Variants in C12orf50 observed in about 807,000 individuals in gnomAD.
C12orf50 encodes zinc finger CCCH-type containing 11D.
A neutral mutation model predicts 61.6 loss-of-function variants in C12orf50; 35 were observed. That is an observed-to-expected ratio of 0.57 (90% confidence interval 0.43 to 0.75). The LOEUF is 0.75. Ranked by LOEUF, C12orf50 falls within the 30% of genes least tolerant of loss-of-function variation. The probability of loss-of-function intolerance (pLI) is 0.00; values close to 1 mark genes in which losing one functional copy is unlikely to be tolerated. For synonymous variants in C12orf50, 178 were observed against 161.5 expected, an observed-to-expected ratio of 1.10 and a Z score of -0.77; for missense variants, 475 against 488.5, an observed-to-expected ratio of 0.97 and a Z score of 0.26.
intron 2 of C12orf50, 102 bp downstream of exon 2, chr12:88,026,849 G>C: frequency 1.3e-6 from 2 of 1,488,218 alleles, no homozygotes; most frequent in African/African-American, 1.4e-5. Flanking sequence ...TCAAATAGTA[G>C]AAGGAAGAAT....
At chr12:87,998,387 T>C (rs1335527377) in intron 3 of C12orf50, among the ~76,000 whole-genome samples, 197 bp from the exon 4 acceptor site, 2 of 152,036 alleles carry the variant, frequency 1.3e-5, no homozygotes, top group East Asian at 1.9e-4. Context: ...CCACTTACAA[T>C]AGCATCAAAG....
At chr12:87,980,469 C>A in intron 12 of C12orf50, 113 bp from the exon 13 acceptor site, 1 of 902,996 alleles carries the variant, frequency 1.1e-6, no homozygotes, top group East Asian at 2.5e-5. Flanking sequence ...AAAAACTAAT[C>A]TTACTGTTTT....
chr12:88,000,730 C>T (rs568638245), intron 3 of C12orf50, among the ~76,000 whole-genome samples: 20 of 150,714 alleles, frequency 1.3e-4, no homozygotes, highest in African/African-American at 4.6e-4. Flanking sequence ...TTGTAGTTTT[C>T]GAATATAAAC....
chr12:88,029,411 C>T (rs2032821932), upstream of C12orf50: 1 of 170,822 alleles, frequency 5.9e-6, no homozygotes, highest in Admixed American at 6.2e-5. Flanking sequence ...TAGAATTTTC[C>T]TCATTGTTAC....
chr12:87,990,734 G>A (rs965255258), intron 7 of C12orf50, among the ~76,000 whole-genome samples: 10 of 152,136 alleles, frequency 6.6e-5, no homozygotes, highest in Non-Finnish European at 8.8e-5. Context: ...CACCAAGGAG[G>A]TGAAAAAGAA....
chr12:88,009,381 CCCTA>C (rs2032012827), intron 3 of C12orf50, among the ~76,000 whole-genome samples: 2 of 151,940 alleles, frequency 1.3e-5, no homozygotes, highest in African/African-American at 4.8e-5. Context: ...GTTTGGATTT[CCCTA>C]ACTATTAATA....
chr12:87,995,360 A>G (rs2031334745), intron 6 of C12orf50, among the ~76,000 whole-genome samples: 1 of 152,202 alleles, frequency 6.6e-6, no homozygotes, highest in Non-Finnish European at 1.5e-5. Context: ...ATGATATTCT[A>G]TCAGTGGTTA....
intron 3 of C12orf50, among the ~76,000 whole-genome samples, chr12:88,016,532 A>G (rs1253302561): frequency 1.3e-5 from 2 of 152,226 alleles, no homozygotes; most frequent in East Asian, 1.9e-4. Flanking sequence ...CAGTAGTTCA[A>G]TACATATTTC....
At chr12:87,993,796 G>T (rs559613539) in intron 7 of C12orf50, among the ~76,000 whole-genome samples, 1 of 152,324 alleles carries the variant, frequency 6.6e-6, no homozygotes, top group East Asian at 1.9e-4. Context: ...TCAAAGGACA[G>T]ATTTTCCAAC....
rs1443559794 is a variant in C12orf50, at chr12:87,994,679, T to C, written c.546A>G (p.Ser182=). The part of the protein sequence containing the change: ...QYERQGEIKT[S]LHGKPKTDIA... ...TGTCAGTCTTTGGTTTCCCATGCAA[T>C]GATGTTTTTATTTCACCTTGCCTTT... Residue 182 remains serine, a synonymous_variant, in exon 7 of 13, where the codon TCA becomes TCG. Transcript: ENST00000298699. The C allele has an allele frequency of 6.2e-7, 1 of 1,613,480 alleles. No homozygotes were observed. Among genetic ancestry groups the C allele is most frequent in the South Asian group, 1.1e-5 (1 of 91,060 alleles).
rs1157531946 is a variant in C12orf50 at position 87,998,174 on chromosome 12, T to C, written c.150A>G (p.Lys50=). ...LPPSSNITLQ[K]EIQEGIPLQS... is the part of the protein sequence containing the mutation. ...GGAGTGGAATTCCTTCCTGAATTTC[T>C]TTCTGTAGTGTGATATCTGCAGAGA... The change falls in exon 4 of 13, where the codon AAA becomes AAG. Residue 50 remains lysine (K), a synonymous_variant. Transcript: ENST00000298699. The C allele has an allele frequency of 9.3e-6, 15 of 1,612,332 alleles. No individual in the cohort carries two copies. The highest frequency in any genetic ancestry group is 1.3e-5 in the African/African-American group (1 of 74,898).
At chr12:87,990,196 GCT>G (rs1303361582) in intron 7 of C12orf50, among the ~76,000 whole-genome samples, 2 of 152,084 alleles carry the variant, frequency 1.3e-5, no homozygotes, top group Non-Finnish European at 2.9e-5. Context: ...GTTTATCATT[GCT>G]TGAAGTTACC....
chr12:87,983,157 G>A lies in C12orf50; in HGVS notation c.1165C>T (p.Arg389Ter), dbSNP rs146623464. The part of the protein sequence containing the change: ...TSTSYNDSAW[R>*]KRIPFSKTYS... ...GTTTTTGAAAAAGGAATTCGTTTTCGCCAGGCTGAATCATTATATGATGTT... is the reference window on the plus strand; with the variant it reads ...GTTTTTGAAAAAGGAATTCGTTTTCACCAGGCTGAATCATTATATGATGTT... The change falls in exon 12 of 13, where the codon CGA becomes TGA. Residue 389 changes from arginine (R) to a stop codon, truncating the protein, a stop_gained. Coordinates refer to ENST00000298699, the MANE Select transcript of C12orf50 (RefSeq NM_152589.3). LOFTEE classifies it high-confidence loss of function. The A allele has an allele frequency of 2.0e-5, 32 of 1,602,808 alleles. No individual in the cohort carries two copies. The highest frequency in any genetic ancestry group is 6.7e-5 in the African/African-American group (5 of 74,446).
chr12:87,985,994 T>A lies in C12orf50; in HGVS notation c.982A>T (p.Asn328Tyr). 1.2e-6 allele frequency: 2 copies of A among 1,613,896 alleles called. No individual in the cohort carries two copies. Among genetic ancestry groups the A allele is most frequent in the Non-Finnish European group, 1.7e-6 (2 of 1,179,870 alleles). The change falls in exon 11 of 13, where the codon AAT becomes TAT. Residue 328 changes from asparagine to tyrosine, a missense_variant. Asn to Tyr is a moderately radical substitution (Grantham distance 143, BLOSUM62 -2). Transcript: ENST00000298699. ...MSYHRNNKNR[N>Y]AENASYIHVQ... ...TGGATATAGGATGCATTCTCCGCAT[T>A]TCGATTTTTATTATTGCGGTGATAA...
chr12:87,999,380 A>C (rs1473386831), intron 3 of C12orf50, among the ~76,000 whole-genome samples: 1 of 152,134 alleles, frequency 6.6e-6, no homozygotes, highest in Non-Finnish European at 1.5e-5. Flanking sequence ...AGCCGAGATC[A>C]TGCCACTGCA....
chr12:88,014,520 C>T (rs1276435292), intron 3 of C12orf50, among the ~76,000 whole-genome samples: 3 of 152,070 alleles, frequency 2.0e-5, no homozygotes, highest in African/African-American at 4.8e-5. Flanking sequence ...AGGATGGTCT[C>T]GATCTCCTGA....
chr12:87,997,828 G>A (rs1267205006), intron 4 of C12orf50, among the ~76,000 whole-genome samples: 3 of 151,992 alleles, frequency 2.0e-5, no homozygotes, highest in Non-Finnish European at 4.4e-5. Context: ...CCCAGCTATC[G>A]TACAACAAAA....
intron 4 of C12orf50, among the ~76,000 whole-genome samples, chr12:87,997,226 G>T (rs995836282): frequency 6.6e-6 from 1 of 152,038 alleles, no homozygotes; most frequent in East Asian, 1.9e-4. Flanking sequence ...GTGATTTATA[G>T]ATTATTAACT....
intron 3 of C12orf50, among the ~76,000 whole-genome samples, chr12:88,016,360 T>A (rs1202965603): frequency 6.6e-6 from 1 of 152,216 alleles, no homozygotes; most frequent in Non-Finnish European, 1.5e-5. Context: ...TACTTTATAA[T>A]TTAATCTTTG....
Sources: allele counts gnomAD v4.1 joint callset (sites outside exome capture counted in the v4.1 genomes callset), GRCh38; gene constraint gnomAD v4.1.1; transcripts MANE v1.5; gene names NCBI Gene and HGNC (gene_info 2026-07-23, HGNC 2026-07-21).